The following SAXO3 variants were observed in gnomAD, a reference collection of about 807,000 sequenced individuals.
SAXO3 encodes the protein stabilizer of axonemal microtubules 3.
At chr19:49,019,767 G>T in the SAXO3 span, 1 of 1,221,954 alleles carries the variant, frequency 8.2e-7, no homozygotes, top group Non-Finnish European at 1.1e-6. Flanking sequence ...CGCTGCTCTG[G>T]TACTTTGTGG....
the SAXO3 span, among the ~76,000 whole-genome samples, chr19:49,018,492 T>C: frequency 1.3e-5 from 2 of 152,084 alleles, no homozygotes; most frequent in African/African-American, 4.8e-5. Context: ...GTTGCCTGCG[T>C]TCCTGGGTCC....
chr19:49,019,707 C>T, the SAXO3 span: 1 of 1,183,830 alleles, frequency 8.4e-7, no homozygotes, highest in Non-Finnish European at 1.1e-6. Context: ...CGAAGTATTC[C>T]GGGGCGCGCG....
chr19:49,018,002 G>A, the SAXO3 span: 1 of 398,718 alleles, frequency 2.5e-6, no homozygotes, highest in Admixed American at 4.4e-5. Context: ...GCCATAGCTG[G>A]AGTTCTCGGT....
At chr19:49,019,235 C>T in the SAXO3 span, 1 of 1,356,484 alleles carries the variant, frequency 7.4e-7, no homozygotes, top group South Asian at 1.8e-5. Flanking sequence ...CAAGCACCTT[C>T]TGCTGTTCAA....
the SAXO3 span, chr19:49,018,862 G>T: frequency 1.8e-5 from 27 of 1,531,784 alleles, no homozygotes; most frequent in Non-Finnish European, 2.2e-5. Context: ...CCGAGCGAGA[G>T]CCCGGCTTAC....
chr19:49,018,832 G>A, the SAXO3 span: 7 of 1,479,188 alleles, frequency 4.7e-6, no homozygotes, highest in Admixed American at 2.0e-5. Flanking sequence ...GCCACGGCGG[G>A]GGCTGTGCAG....
chr19:49,019,064 G>A, the SAXO3 span: 2 of 1,468,232 alleles, frequency 1.4e-6, no homozygotes, highest in African/African-American at 1.4e-5. Flanking sequence ...CCCAAGCCCT[G>A]GGTCCCGAGT....
the SAXO3 span, chr19:49,020,347 G>T: frequency 7.2e-6 from 3 of 413,902 alleles, no homozygotes; most frequent in Non-Finnish European, 1.3e-5. Context: ...TCCAGGCCCG[G>T]CAGGGCTGCA....
At chr19:49,019,506 A>G in the SAXO3 span, 169 of 1,177,672 alleles carry the variant, frequency 1.4e-4, no homozygotes, top group African/African-American at 1.9e-3. Context: ...CCTAATGCCC[A>G]GCCCCTCCCC....
the SAXO3 span, chr19:49,019,821 G>T: frequency 8.0e-7 from 1 of 1,254,290 alleles, no homozygotes; most frequent in Non-Finnish European, 1.1e-6. Flanking sequence ...GCGGAAAGGC[G>T]ACCCAGAGAC....
the SAXO3 span, chr19:49,018,776 A>T: frequency 9.3e-7 from 1 of 1,074,488 alleles, no homozygotes; most frequent in Non-Finnish European, 1.3e-6. Flanking sequence ...GGCTGAGACC[A>T]CCGGCTCAGG....
chr19:49,018,400 CCTCGGGATCTAAGGAGT>C, the SAXO3 span: 1 of 1,039,580 alleles, frequency 9.6e-7, no homozygotes, highest in Admixed American at 4.2e-5. Flanking sequence ...GAGTTTCAGA[CCTCGGGATCTAAGGAGT>C]CTGCACATTC....
chr19:49,019,065 G>C, the SAXO3 span: 2 of 1,465,976 alleles, frequency 1.4e-6, no homozygotes, highest in Non-Finnish European at 1.8e-6. Context: ...CCAAGCCCTG[G>C]GTCCCGAGTT....
chr19:49,020,100 C>G, the SAXO3 span: 9 of 1,248,400 alleles, frequency 7.2e-6, no homozygotes, highest in Non-Finnish European at 9.5e-6. Flanking sequence ...AGAGGGTCCG[C>G]GACCGTGGAC....
chr19:49,019,868 C>T, the SAXO3 span: 4 of 1,323,864 alleles, frequency 3.0e-6, no homozygotes, highest in African/African-American at 4.5e-5. Flanking sequence ...TGCAGTCCCC[C>T]GCCCTGTCCC....
chr19:49,019,756 TC>T, the SAXO3 span: 1 of 1,209,510 alleles, frequency 8.3e-7, no homozygotes, highest in Non-Finnish European at 1.1e-6. Context: ...CGCCCTCGTC[TC>T]GCTGCTCTGG....
the SAXO3 span, chr19:49,017,999 C>T: frequency 5.0e-6 from 2 of 398,590 alleles, no homozygotes; most frequent in African/African-American, 4.1e-5. Flanking sequence ...GCTGCCATAG[C>T]TGGAGTTCTC....
At chr19:49,018,153 G>T in the SAXO3 span, 32 of 403,062 alleles carry the variant, frequency 7.9e-5, no homozygotes, top group Middle Eastern at 1.2e-3. Flanking sequence ...GCCAGAGACA[G>T]GGCTCCCCGG....
chr19:49,020,247 T>A, the SAXO3 span: 1 of 466,122 alleles, frequency 2.1e-6, no homozygotes, highest in Non-Finnish European at 3.7e-6. Flanking sequence ...TGGTGCCTCC[T>A]CTCTCAGACC....
Sources: allele counts gnomAD v4.1 joint callset (sites outside exome capture counted in the v4.1 genomes callset), GRCh38; gene constraint gnomAD v4.1.1; transcripts MANE v1.5; gene names NCBI Gene and HGNC (gene_info 2026-07-23, HGNC 2026-07-21).